The following PDZRN4 variants were observed in gnomAD, a reference collection of about 807,000 sequenced individuals.
PDZRN4 encodes PDZ domain containing ring finger 4.
PDZRN4 carries 70 observed loss-of-function variants against 99.0 expected under a neutral mutation model. That is an observed-to-expected ratio of 0.71 (90% CI 0.58 to 0.86). The LOEUF (loss-of-function observed/expected upper bound fraction) is 0.86. Ranked by LOEUF, PDZRN4 falls within the 40% of genes least tolerant of loss-of-function variation. The pLI, the probability that PDZRN4 is intolerant of heterozygous loss-of-function variation, is 0.00. For missense variants in PDZRN4, 1,474 were observed against 1,331.2 expected (o/e 1.11, Z -1.67); for synonymous variants, 551 against 501.6 (o/e 1.10, Z -1.32).
At chr12:41,564,355 GA>G (rs151145244) in intron 8 of PDZRN4, among the ~76,000 whole-genome samples, 2,644 of 152,042 alleles carry the variant, frequency 0.017, 72 homozygotes, top group East Asian at 0.14. Context: ...AAAGGTAATG[GA>G]AAAAAAGTAC....
chr12:41,379,402 T>C (rs1952106451), intron 3 of PDZRN4, among the ~76,000 whole-genome samples: 1 of 151,374 alleles, frequency 6.6e-6, no homozygotes. Context: ...TTTTTTATTC[T>C]GCCAAATGTG....
At chr12:41,254,034 CGTGTGTGTGTGT>C (rs3042934) in intron 3 of PDZRN4, among the ~76,000 whole-genome samples, 1,764 of 149,258 alleles carry the variant, frequency 0.012, 21 homozygotes, top group African/African-American at 0.028. Context: ...TATGTGTGTG[CGTGTGTGTGTGT>C]GTGTGTGTGT....
At chr12:41,555,316 G>T (rs1027304120) in intron 6 of PDZRN4, among the ~76,000 whole-genome samples, 30 of 151,044 alleles carry the variant, frequency 2.0e-4, no homozygotes, top group African/African-American at 6.6e-4. Flanking sequence ...AAATTTCCTG[G>T]GTCCAGAGAG....
At chr12:41,295,097 C>T (rs997677594) in intron 3 of PDZRN4, among the ~76,000 whole-genome samples, 1 of 152,066 alleles carries the variant, frequency 6.6e-6, no homozygotes, top group Admixed American at 6.6e-5. Flanking sequence ...ATGTTTCAAA[C>T]TGGAATTCCA....
chr12:41,531,932 T>TAATTTTAATGCAGTAAAATA (rs1938668104), intron 5 of PDZRN4, among the ~76,000 whole-genome samples: 2 of 152,222 alleles, frequency 1.3e-5, no homozygotes, highest in African/African-American at 4.8e-5. Flanking sequence ...CAAAAGTTCC[T>TAATTTTAATGCAGTAAAATA]AATTTTAATG....
chr12:41,345,505 G>GTTTT (rs1951846965), intron 3 of PDZRN4, among the ~76,000 whole-genome samples: 1 of 152,128 alleles, frequency 6.6e-6, no homozygotes, highest in Non-Finnish European at 1.5e-5. Context: ...AATATACAAA[G>GTTTT]GGTTCTAGTC....
chr12:41,561,497 T>C (rs1199878553), intron 7 of PDZRN4, among the ~76,000 whole-genome samples: 2 of 150,820 alleles, frequency 1.3e-5, no homozygotes, highest in Non-Finnish European at 3.0e-5. Flanking sequence ...AATAGCAGCA[T>C]TAGACTAACA....
chr12:41,520,791 A>C (rs772660932), intron 5 of PDZRN4, among the ~76,000 whole-genome samples: 1 of 152,056 alleles, frequency 6.6e-6, no homozygotes, highest in African/African-American at 2.4e-5. Context: ...TTACAGATGA[A>C]GCACTGGATG....
chr12:41,223,675 G>A (rs73119057), intron 3 of PDZRN4, among the ~76,000 whole-genome samples: 4,821 of 152,294 alleles, frequency 0.032, 118 homozygotes, highest in Non-Finnish European at 0.045. Flanking sequence ...ACAGTGAGCT[G>A]AAGTAGTACT....
At chr12:41,550,145 AAC>A (rs1162110329) in intron 5 of PDZRN4, among the ~76,000 whole-genome samples, 2 of 152,148 alleles carry the variant, frequency 1.3e-5, no homozygotes, top group African/African-American at 4.8e-5. Flanking sequence ...GTTCTAAGCA[AAC>A]ACCAAAGTCA....
At chr12:41,217,782 A>G (rs1950931035) in intron 3 of PDZRN4, among the ~76,000 whole-genome samples, 2 of 152,012 alleles carry the variant, frequency 1.3e-5, no homozygotes, top group Admixed American at 6.6e-5. Flanking sequence ...TGAGCTGCCA[A>G]CAAGATAGAC....
intron 3 of PDZRN4, among the ~76,000 whole-genome samples, chr12:41,390,454 G>A (rs1414186875): frequency 1.4e-5 from 2 of 147,624 alleles, no homozygotes; most frequent in Admixed American, 6.9e-5. Context: ...AACTTCTAAG[G>A]GGTGAGAACA....
chr12:41,244,355 A>G (rs1332640604), intron 3 of PDZRN4, among the ~76,000 whole-genome samples: 1 of 152,106 alleles, frequency 6.6e-6, no homozygotes, highest in Non-Finnish European at 1.5e-5. Context: ...ACTAAGGTGT[A>G]TTCTCCATAC....
intron 3 of PDZRN4, among the ~76,000 whole-genome samples, chr12:41,367,011 C>A (rs1446337052): frequency 2.6e-5 from 4 of 151,990 alleles, no homozygotes; most frequent in African/African-American, 9.7e-5. Flanking sequence ...CTACGGGGAG[C>A]TGTTTGAGCC....
chr12:41,261,332 T>C (rs907363018), intron 3 of PDZRN4, among the ~76,000 whole-genome samples: 1 of 152,242 alleles, frequency 6.6e-6, no homozygotes, highest in African/African-American at 2.4e-5. Flanking sequence ...GGAAAATGTG[T>C]AAGCCCCATT....
intron 3 of PDZRN4, among the ~76,000 whole-genome samples, chr12:41,317,100 TTATC>T (rs1951644348): frequency 8.7e-6 from 1 of 114,982 alleles, no homozygotes; most frequent in African/African-American, 2.8e-5. Flanking sequence ...ACATAGAGAA[TTATC>T]TATGTGGTAT....
At chr12:41,408,321 G>A (rs1253653818) in intron 3 of PDZRN4, among the ~76,000 whole-genome samples, 3 of 152,188 alleles carry the variant, frequency 2.0e-5, no homozygotes, top group African/African-American at 4.8e-5. Flanking sequence ...GAAACAGAAC[G>A]ATAAAGATGT....
At chr12:41,225,885 A>G (rs1336257956) in intron 3 of PDZRN4, among the ~76,000 whole-genome samples, 1 of 152,070 alleles carries the variant, frequency 6.6e-6, no homozygotes, top group African/African-American at 2.4e-5. Context: ...CTTCTGAGCT[A>G]TTCTGGAGCC....
intron 5 of PDZRN4, among the ~76,000 whole-genome samples, chr12:41,549,930 T>G (rs917297797): frequency 2.0e-5 from 3 of 152,152 alleles, no homozygotes; most frequent in Admixed American, 2.0e-4. Flanking sequence ...ACAAAGACCA[T>G]GGAGATAACT....
Sources: gnomAD v4.1 joint callset for allele counts (sites outside exome capture counted in the v4.1 genomes callset) on GRCh38, gnomAD v4.1.1 for gene constraint, MANE v1.5 for transcripts, NCBI Gene and HGNC (gene_info 2026-07-23, HGNC 2026-07-21) for gene names.